The following PPP3CA variants were observed in gnomAD, a reference collection of about 807,000 sequenced individuals.
PPP3CA encodes protein phosphatase 3 catalytic subunit alpha.
A neutral mutation model predicts 66.5 loss-of-function variants in PPP3CA; 14 were observed. The observed-to-expected ratio is 0.21, with a 90% CI of 0.14 to 0.33. The LOEUF is 0.33. Among genes scored for constraint, PPP3CA ranks in the 10% least tolerant of loss-of-function variants. The pLI is 1.00. For missense variants in PPP3CA, 317 were observed against 639.5 expected (o/e 0.50, Z 5.44); for synonymous variants, 232 against 226.2 (o/e 1.03, Z -0.23).
intron 1 of PPP3CA, 83 bp from the exon 2 acceptor site, chr4:101,196,199 C>A (rs1332372458): frequency 2.5e-6 from 3 of 1,198,398 alleles, no homozygotes; most frequent in Non-Finnish European, 3.5e-6. Context: ...TATCCATCCT[C>A]ATCACAAACC....
At chr4:101,267,103 T>C (rs1727191975) in intron 1 of PPP3CA, among the ~76,000 whole-genome samples, 2 of 152,202 alleles carry the variant, frequency 1.3e-5, no homozygotes, top group Non-Finnish European at 2.9e-5. Flanking sequence ...AATGAAATAA[T>C]ATGTATACAC....
In PPP3CA at chr4:101,049,896, G is replaced by A. The variant is rs116118936; in HGVS notation, c.1157-9330C>T. The stretch of plus-strand genomic sequence containing the variant: ...AGTAATACAACTCCTTCATCTGACC[G>A]TGGAGAATGGCTGAGGCACTGGCAT... On this transcript the variant is annotated intron_variant, in intron 10 of 13. Coordinates refer to ENST00000394854, the MANE Select transcript of PPP3CA (RefSeq NM_000944.5). 1.3e-3 allele frequency among the ~76,000 whole-genome samples: 196 copies of A among 152,180 alleles called. 1 individual carries two copies. Among genetic ancestry groups the A allele is most frequent in the African/African-American group, 4.5e-3 (186 of 41,544 alleles).
chr4:101,083,108 C>T lies in PPP3CA; in HGVS notation c.860+78G>A, dbSNP rs545056920. ...GGGAGTGAGCCTGGTAAAAGGGAAC[C>T]TGCAGAGCCTAAGCAAAGTGAGGAA... On this transcript the variant is annotated intron_variant, in intron 7 of 13. Transcript: ENST00000394854. 4.9e-5 allele frequency: 56 copies of T among 1,135,372 alleles called. No individual in the cohort carries two copies. The African/African-American group carries it at 7.9e-4, about 16-fold the overall frequency. 70.3% of individuals were successfully genotyped at this position (1,135,372 alleles called of 1,614,324 possible).
chr4:101,216,189 TA>T (rs1321612051), intron 1 of PPP3CA, among the ~76,000 whole-genome samples: 11 of 152,182 alleles, frequency 7.2e-5, no homozygotes, highest in African/African-American at 2.2e-4. Flanking sequence ...TACGCAGCAT[TA>T]TAAATGATTT....
At chr4:101,060,983 T>C in intron 10 of PPP3CA, 104 bp downstream of exon 10, 1 of 994,298 alleles carries the variant, frequency 1.0e-6, no homozygotes, top group Middle Eastern at 2.1e-4. Flanking sequence ...AATGTTACGT[T>C]TTAAACATAA....
chr4:101,139,696 G>GTGTTTTTTTTTTTTTTTTTTTTTT (rs1553927959), intron 2 of PPP3CA, among the ~76,000 whole-genome samples: 1 of 98,406 alleles, frequency 1.0e-5, no homozygotes. Flanking sequence ...TTTTTTTTGT[G>GTGTTTTTTTTTTTTTTTTTTTTTT]TTTTTTTTTT....
intron 2 of PPP3CA, among the ~76,000 whole-genome samples, chr4:101,184,977 A>T (rs894091303): frequency 3.5e-4 from 53 of 152,236 alleles, no homozygotes; most frequent in African/African-American, 1.2e-3. Flanking sequence ...CAGGAGGCAA[A>T]AAATTGCAAG....
chr4:101,268,546 G>A (rs1215974992), intron 1 of PPP3CA, among the ~76,000 whole-genome samples: 8 of 151,860 alleles, frequency 5.3e-5, no homozygotes, highest in South Asian at 2.1e-4. Context: ...CCTGCAACTC[G>A]GACAGTCAAC....
intron 2 of PPP3CA, among the ~76,000 whole-genome samples, chr4:101,134,193 G>A (rs1722540556): frequency 6.6e-6 from 1 of 152,120 alleles, no homozygotes; most frequent in Non-Finnish European, 1.5e-5. Flanking sequence ...AAGACTTCAT[G>A]ACTAAAACAC....
intron 2 of PPP3CA, among the ~76,000 whole-genome samples, chr4:101,149,851 C>G (rs1014777423): frequency 6.6e-6 from 1 of 152,098 alleles, no homozygotes; most frequent in African/African-American, 2.4e-5. Flanking sequence ...TGAGCAAAAC[C>G]ACATAGTAAG....
At chr4:101,314,294 T>G (rs1184023483) in intron 1 of PPP3CA, among the ~76,000 whole-genome samples, 1 of 152,144 alleles carries the variant, frequency 6.6e-6, no homozygotes, top group Non-Finnish European at 1.5e-5. Flanking sequence ...ATTAAGATGT[T>G]ACTAATCAAG....
chr4:101,078,553 A>G (rs1007128567), intron 8 of PPP3CA, among the ~76,000 whole-genome samples: 2 of 152,132 alleles, frequency 1.3e-5, no homozygotes, highest in African/African-American at 2.4e-5. Context: ...CTTGGGTCTT[A>G]TATTTTTAGT....
chr4:101,165,019 T>C (rs773908454), intron 2 of PPP3CA, among the ~76,000 whole-genome samples: 2 of 152,144 alleles, frequency 1.3e-5, no homozygotes, highest in Non-Finnish European at 2.9e-5. Context: ...GAGATTTTGA[T>C]GATTTTGTTC....
chr4:101,110,773 T>C (rs1434088794), intron 2 of PPP3CA, among the ~76,000 whole-genome samples: 1 of 152,186 alleles, frequency 6.6e-6, no homozygotes, highest in East Asian at 1.9e-4. Flanking sequence ...TCATATGTGA[T>C]ATCTAAACCA....
chr4:101,231,040 C>T (rs1408188806), intron 1 of PPP3CA, among the ~76,000 whole-genome samples: 1 of 151,678 alleles, frequency 6.6e-6, no homozygotes, highest in African/African-American at 2.4e-5. Flanking sequence ...TCACAGGAAT[C>T]AATTTCCAGA....
chr4:101,334,999 T>A (rs536455594), intron 1 of PPP3CA, among the ~76,000 whole-genome samples: 1 of 152,208 alleles, frequency 6.6e-6, no homozygotes, highest in East Asian at 1.9e-4. Flanking sequence ...ACCATGACAG[T>A]TGCAGCTCCA....
chr4:101,208,100 A>T (rs1725190771), intron 1 of PPP3CA, among the ~76,000 whole-genome samples: 1 of 152,192 alleles, frequency 6.6e-6, no homozygotes, highest in Non-Finnish European at 1.5e-5. Flanking sequence ...AATACACTAT[A>T]TTTTATTATC....
At chr4:101,230,936 C>A (rs1725941568) in intron 1 of PPP3CA, among the ~76,000 whole-genome samples, 1 of 151,688 alleles carries the variant, frequency 6.6e-6, no homozygotes, top group South Asian at 2.1e-4. Flanking sequence ...CCCTCCTCAT[C>A]TAGGAAAATT....
At chr4:101,079,146 A>G (rs918007342) in intron 8 of PPP3CA, among the ~76,000 whole-genome samples, 8 of 152,164 alleles carry the variant, frequency 5.3e-5, no homozygotes, top group Non-Finnish European at 7.3e-5. Context: ...AGGACTAAGG[A>G]CATTCAACAG....
Sources: gnomAD v4.1 joint callset for allele counts (sites outside exome capture counted in the v4.1 genomes callset) on GRCh38, gnomAD v4.1.1 for gene constraint, MANE v1.5 for transcripts, NCBI Gene and HGNC (gene_info 2026-07-23, HGNC 2026-07-21) for gene names.